SCUBE1: variants seen among roughly 807,000 people sequenced by gnomAD.
SCUBE1 encodes the protein signal peptide, CUB domain and EGF like domain containing 1.
In SCUBE1, 59 loss-of-function variants were observed where a neutral mutation model predicts 124.4. That is an observed-to-expected ratio of 0.47 (90% CI 0.38 to 0.59). SCUBE1 has a LOEUF of 0.59. Among genes scored for constraint, SCUBE1 ranks in the 20% least tolerant of loss-of-function variants. The pLI is 0.00. For synonymous variants in SCUBE1, 545 were observed against 550.9 expected (o/e 0.99, Z 0.15); for missense variants, 1,150 against 1,371.2 (o/e 0.84, Z 2.55).
chr22:43,292,597 T>A (rs866615109), intron 3 of SCUBE1, among the ~76,000 whole-genome samples: 3 of 41,902 alleles, frequency 7.2e-5, no homozygotes, highest in Admixed American at 2.0e-4. Flanking sequence ...ACACACACAC[T>A]CTTCGGTGTT....
intron 4 of SCUBE1, among the ~76,000 whole-genome samples, chr22:43,267,668 C>T (rs1028670610): frequency 1.3e-5 from 2 of 152,336 alleles, no homozygotes; most frequent in African/African-American, 4.8e-5. Flanking sequence ...AGTGACACAG[C>T]GACCAGGGTG....
intron 4 of SCUBE1, among the ~76,000 whole-genome samples, chr22:43,288,883 C>G (rs1401382349): frequency 2.0e-5 from 3 of 152,252 alleles, no homozygotes; most frequent in Non-Finnish European, 1.5e-5. Context: ...CCCAGCAGCC[C>G]CTGCTGTCGC....
At chr22:43,272,746 T>G (rs1353822783) in intron 4 of SCUBE1, among the ~76,000 whole-genome samples, 2 of 152,210 alleles carry the variant, frequency 1.3e-5, no homozygotes, top group African/African-American at 4.8e-5. Context: ...CGAGAGAAAT[T>G]GTCCTGCTTT....
chr22:43,321,157 G>T (rs903333166), intron 2 of SCUBE1, among the ~76,000 whole-genome samples: 1 of 152,358 alleles, frequency 6.6e-6, no homozygotes, highest in South Asian at 2.1e-4. Context: ...CTCACGAGAC[G>T]ACGGAGTAGG....
chr22:43,207,777 C>T (rs1382250458), intron 20 of SCUBE1, among the ~76,000 whole-genome samples, 164 bp from the exon 21 acceptor site: 2 of 152,236 alleles, frequency 1.3e-5, no homozygotes, highest in African/African-American at 4.8e-5. Context: ...GGGCTCCCTG[C>T]ACCTGTATTG....
At chr22:43,292,117 A>G (rs1326054904) in intron 3 of SCUBE1, among the ~76,000 whole-genome samples, 4 of 152,182 alleles carry the variant, frequency 2.6e-5, no homozygotes, top group Admixed American at 6.5e-5. Context: ...GCACAACACG[A>G]TAACAGGCTG....
At chr22:43,292,893 GC>G (rs1401105576) in intron 3 of SCUBE1, among the ~76,000 whole-genome samples, 1 of 152,256 alleles carries the variant, frequency 6.6e-6, no homozygotes, top group African/African-American at 2.4e-5. Flanking sequence ...AACTCTAAAA[GC>G]CGCCAGTGGT....
chr22:43,306,924 C>T (rs764555889), intron 3 of SCUBE1, among the ~76,000 whole-genome samples: 1 of 152,324 alleles, frequency 6.6e-6, no homozygotes, highest in African/African-American at 2.4e-5. Flanking sequence ...TTTCCCAGCG[C>T]TTCTACCCAG....
chr22:43,289,508 A>G (rs998390247), intron 4 of SCUBE1, among the ~76,000 whole-genome samples: 5 of 152,272 alleles, frequency 3.3e-5, no homozygotes, highest in Non-Finnish European at 7.3e-5. Flanking sequence ...CTTTGAGGCA[A>G]CAAACACTAA....
Position 43,201,903 on chromosome 22 carries a change from G to C in SCUBE1, c.*2094C>G, listed in dbSNP as rs1296592275. The C allele has an allele frequency of 6.6e-6, 1 of 152,200 alleles. No homozygotes were observed. Among genetic ancestry groups the C allele is most frequent in the African/African-American group, 2.4e-5 (1 of 41,440 alleles). The allele number at this position is 152,200 out of a possible 1,614,324, so 9.4% of individuals were successfully genotyped here. A position where few individuals can be genotyped will look rare whatever the true frequency, so the allele number is the denominator to read the frequency against. The stretch of plus-strand genomic sequence containing the variant: ...GGCAGGATGCTCGCCTCTCATCTTG[G>C]GGATGACTGACGGCTCCACAAAGGG... On this transcript the variant is annotated 3_prime_UTR_variant, in exon 22 of 22. Coordinates refer to ENST00000360835, the MANE Select transcript of SCUBE1 (RefSeq NM_173050.5).
intron 2 of SCUBE1, among the ~76,000 whole-genome samples, chr22:43,327,756 C>T (rs1926774095): frequency 6.6e-6 from 1 of 152,146 alleles, no homozygotes; most frequent in South Asian, 2.1e-4. Flanking sequence ...CACTGCACTC[C>T]AGCCTGGGCG....
intron 6 of SCUBE1, among the ~76,000 whole-genome samples, chr22:43,251,580 G>A (rs935587025): frequency 6.6e-6 from 1 of 152,160 alleles, no homozygotes; most frequent in African/African-American, 2.4e-5. Context: ...GAGGACTGGG[G>A]CGGGTCAGGC....
At chr22:43,266,901 C>T (rs577574614) in intron 4 of SCUBE1, among the ~76,000 whole-genome samples, 25 of 152,324 alleles carry the variant, frequency 1.6e-4, no homozygotes, top group Admixed American at 7.2e-4. Context: ...TGACCTTCCA[C>T]GGCTGTTACT....
At chr22:43,229,731 G>A (rs1205757773) in intron 8 of SCUBE1, among the ~76,000 whole-genome samples, 1 of 152,214 alleles carries the variant, frequency 6.6e-6, no homozygotes, top group East Asian at 1.9e-4. Flanking sequence ...AGGGAGCTCT[G>A]ATAGAATGTG....
rs1020232323 is a variant in SCUBE1 at position 43,229,090 on chromosome 22, C to T, written c.1066G>A (p.Gly356Arg). Reference sequence around the variant, plus strand: ...TGCAGACCTCCGCAGTGGGTTGTCCCGTAGAGGATGTAGCCGCGGTGACAC... The same window carrying T: ...TGCAGACCTCCGCAGTGGGTTGTCCTGTAGAGGATGTAGCCGCGGTGACAC... ...CLCHRGYILY[G>R]TTHCGDVDEC... is the part of the protein sequence containing the mutation. Residue 356 changes from glycine to arginine, a missense_variant, in exon 9 of 22, where the codon GGG becomes AGG. Around this residue, in one of 3 missense-constraint regions of SCUBE1, gnomAD observed 337 missense variants for 482.1 expected, o/e 0.70. Transcript: ENST00000360835. 6.2e-6 allele frequency: 10 copies of T among 1,612,908 alleles called. No individual in the cohort carries two copies. The highest frequency in any genetic ancestry group is 2.2e-5 in the East Asian group (1 of 44,884).
intron 3 of SCUBE1, among the ~76,000 whole-genome samples, chr22:43,300,626 A>C (rs921096500): frequency 6.6e-6 from 1 of 152,130 alleles, no homozygotes; most frequent in Admixed American, 6.5e-5. Context: ...CATCCTGGAT[A>C]CTAGACCCTT....
chr22:43,251,409 C>T (rs1043938229), intron 6 of SCUBE1, among the ~76,000 whole-genome samples: 5 of 152,200 alleles, frequency 3.3e-5, no homozygotes, highest in African/African-American at 9.7e-5. Flanking sequence ...TCCTAATCCC[C>T]AGAAACTGTG....
chr22:43,333,738 T>C (rs1926974894), intron 2 of SCUBE1, among the ~76,000 whole-genome samples: 1 of 152,236 alleles, frequency 6.6e-6, no homozygotes, highest in African/African-American at 2.4e-5. Flanking sequence ...CCTTCGGAAC[T>C]GCCGGTTTGG....
Position 43,229,196 on chromosome 22 carries a change from G to A in SCUBE1, c.968-8C>T. On this transcript the variant is annotated splice_region_variant and splice_polypyrimidine_tract_variant and intron_variant, in intron 8 of 21. Transcript: ENST00000360835. Reference sequence around the variant, plus strand: ...AGGAGCACTCGTCGATGTCTGCGTGGCCACAGGGAGACAAAGTTGGGGGAG... The same window carrying A: ...AGGAGCACTCGTCGATGTCTGCGTGACCACAGGGAGACAAAGTTGGGGGAG... 1.3e-6 allele frequency: 2 copies of A among 1,571,662 alleles called. No individual in the cohort carries two copies. The highest frequency in any genetic ancestry group is 8.7e-7 in the Non-Finnish European group (1 of 1,143,934).
Sources: gnomAD v4.1 joint callset for allele counts (sites outside exome capture counted in the v4.1 genomes callset) on GRCh38, gnomAD v4.1.1 for gene constraint, gnomAD v4.1.1 regional missense constraint, MANE v1.5 for transcripts, NCBI Gene and HGNC (gene_info 2026-07-23, HGNC 2026-07-21) for gene names.